The following SGSM1 variants were observed in gnomAD, a reference collection of about 807,000 sequenced individuals.
SGSM1 encodes the protein small G protein signaling modulator 1.
SGSM1 carries 73 observed loss-of-function variants against 133.8 expected under a neutral mutation model. That is an observed-to-expected ratio of 0.55 (90% CI 0.45 to 0.66). The LOEUF is 0.66. Ranked by LOEUF, SGSM1 falls within the 30% of genes least tolerant of loss-of-function variation. The pLI is 0.00. For missense variants in SGSM1, 1,213 were observed against 1,448.1 expected, an observed-to-expected ratio of 0.84 and a Z score of 2.64; for synonymous variants, 563 against 573.0, an observed-to-expected ratio of 0.98 and a Z score of 0.25.
intron 12 of SGSM1, among the ~76,000 whole-genome samples, chr22:24,874,853 G>T (rs922567458): frequency 2.0e-5 from 3 of 152,196 alleles, no homozygotes; most frequent in Admixed American, 6.5e-5. Flanking sequence ...GGGCTAAACT[G>T]GTCAGTGCAT....
chr22:24,854,520 T>A (rs1038710211), intron 5 of SGSM1, among the ~76,000 whole-genome samples: 1 of 152,236 alleles, frequency 6.6e-6, no homozygotes, highest in Non-Finnish European at 1.5e-5. Context: ...TCAAAAGTCC[T>A]TCCAGCAGGC....
At position 24,850,438 on chromosome 22, in the gene SGSM1, A is replaced by C; in HGVS notation, c.455+6A>C. 6.2e-7 allele frequency: 1 copy of C among 1,613,788 alleles called. No individual in the cohort carries two copies. The highest frequency in any genetic ancestry group is 8.5e-7 in the Non-Finnish European group (1 of 1,179,764). On this transcript the variant is annotated splice_donor_region_variant and intron_variant, in intron 5 of 24. Coordinates refer to ENST00000400358, the MANE Select transcript of SGSM1 (RefSeq NM_001098497.3). ...TACCTTGTGGAAAACAGCAGGTGAG[A>C]GGGAAAGACCTGACACCTGGCCATG...
At chr22:24,903,114 T>A (rs888373244) in intron 20 of SGSM1, among the ~76,000 whole-genome samples, 5 of 152,292 alleles carry the variant, frequency 3.3e-5, no homozygotes, top group African/African-American at 1.2e-4. Flanking sequence ...TCCCTTCATC[T>A]CTGCCCGGCA....
At chr22:24,916,518 C>T (rs993211935) in intron 22 of SGSM1, among the ~76,000 whole-genome samples, 1 of 152,056 alleles carries the variant, frequency 6.6e-6, no homozygotes, top group Non-Finnish European at 1.5e-5. Flanking sequence ...CATGGTGAAA[C>T]CCCGTCCGTC....
chr22:24,869,050 A>G (rs1437104859), intron 12 of SGSM1, among the ~76,000 whole-genome samples, 195 bp downstream of exon 12: 1 of 152,160 alleles, frequency 6.6e-6, no homozygotes, highest in East Asian at 1.9e-4. Flanking sequence ...CTTGTCTAAT[A>G]AAGTTGCCAC....
At position 24,806,264 on chromosome 22, in the gene SGSM1, A is replaced by AGGAGCTACCGCCGCCACC. The variant is rs1927369962; in HGVS notation, c.-60_-43dup. On this transcript the variant is annotated 5_prime_UTR_variant, in exon 1 of 25. Coordinates refer to ENST00000400358, the MANE Select transcript of SGSM1 (RefSeq NM_001098497.3). ...GCTGCAGCAGCAGCGCCGCGGCCGG[A>AGGAGCTACCGCCGCCACC]GGAGCTACCGCCGCCACCGCCGCCA... is the stretch of plus-strand genomic sequence containing the variant. 3 of 1,367,098 alleles carry AGGAGCTACCGCCGCCACC rather than the reference A, an allele frequency of 2.2e-6. No homozygotes were observed. The highest frequency in any genetic ancestry group is 2.8e-6 in the Non-Finnish European group (3 of 1,062,012). The allele number at this position is 1,367,098 out of a possible 1,614,324, so 84.7% of individuals were successfully genotyped here. A position where few individuals can be genotyped will look rare whatever the true frequency, so the allele number is the denominator to read the frequency against.
chr22:24,907,911 C>CAAAA (rs796505229), intron 21 of SGSM1, among the ~76,000 whole-genome samples: 25 of 56,998 alleles, frequency 4.4e-4, no homozygotes, highest in Non-Finnish European at 5.1e-4. Flanking sequence ...GACGCCATCT[C>CAAAA]AAAAAAAAAA....
intron 22 of SGSM1, among the ~76,000 whole-genome samples, 170 bp downstream of exon 22, chr22:24,912,922 T>C (rs1341443087): frequency 6.6e-6 from 1 of 152,144 alleles, no homozygotes. Flanking sequence ...AGTTTTCTTA[T>C]CTGGGAAATA....
chr22:24,900,714 G>A lies in SGSM1; in HGVS notation c.2611-1119G>A, dbSNP rs185752007. On this transcript the variant is annotated intron_variant, in intron 19 of 24. Transcript: ENST00000400358. ...GCCCCGCCTTATTTCTTTAAATACA[G>A]TAAACATACTTATTTTATGATCTGT... is the stretch of plus-strand genomic sequence containing the variant. Among the ~76,000 whole-genome samples the A allele has an allele frequency of 4.0e-3, 603 of 152,264 alleles. 1 individual carries two copies. Among genetic ancestry groups the A allele is most frequent in the African/African-American group, 0.014 (569 of 41,548 alleles).
At chr22:24,893,059 A>AAAGG (rs1244975386) in intron 16 of SGSM1, among the ~76,000 whole-genome samples, 21 of 149,928 alleles carry the variant, frequency 1.4e-4, no homozygotes, top group Non-Finnish European at 1.9e-4. Flanking sequence ...GTCAAGAAAG[A>AAAGG]AAGGAAGGAA....
At chr22:24,914,353 C>T (rs1307469405) in intron 22 of SGSM1, among the ~76,000 whole-genome samples, 1 of 151,086 alleles carries the variant, frequency 6.6e-6, no homozygotes, top group Admixed American at 6.6e-5. Context: ...GCCTATAATC[C>T]CAGCTACAGC....
rs764130082 is a variant in SGSM1, at chr22:24,859,719, G to A, written c.805G>A (p.Asp269Asn). ...GKNNVLVQPR[D>N]DMEAVPGYLS... ...CTGAGTCCTCCTCTCTCTGCAGAGG[G>A]ACGACATGGAGGCTGTGCCAGGGTA... The change falls in exon 9 of 25, where the codon GAC becomes AAC. Residue 269 changes from aspartate to asparagine, a missense_variant. Coordinates refer to ENST00000400358, the MANE Select transcript of SGSM1 (RefSeq NM_001098497.3). 4 of 1,613,712 alleles carry A rather than the reference G, an allele frequency of 2.5e-6. No homozygotes were observed. The highest frequency in any genetic ancestry group is 2.5e-6 in the Non-Finnish European group (3 of 1,179,888).
At chr22:24,891,517 T>C (rs956454879) in intron 16 of SGSM1, among the ~76,000 whole-genome samples, 13 of 152,158 alleles carry the variant, frequency 8.5e-5, no homozygotes, top group Non-Finnish European at 1.8e-4. Context: ...GGACCCATGC[T>C]AGTGAAATGT....
chr22:24,882,376 T>G (rs1436341190), intron 14 of SGSM1, among the ~76,000 whole-genome samples: 1 of 152,162 alleles, frequency 6.6e-6, no homozygotes, highest in Non-Finnish European at 1.5e-5. Context: ...CGCCCTGTTT[T>G]TTATTTATTT....
At chr22:24,911,928 G>A (rs1221051918) in intron 21 of SGSM1, among the ~76,000 whole-genome samples, 3 of 151,946 alleles carry the variant, frequency 2.0e-5, no homozygotes, top group Non-Finnish European at 4.4e-5. Flanking sequence ...GGTGGCGGGC[G>A]CCTGTAGTCC....
chr22:24,892,094 G>A (rs1050988138), intron 16 of SGSM1, among the ~76,000 whole-genome samples: 4 of 152,132 alleles, frequency 2.6e-5, no homozygotes, highest in Non-Finnish European at 4.4e-5. Context: ...ACAGAGACCT[G>A]GATGGAGGCT....
rs1393746640 is a variant in SGSM1, at chr22:24,826,945, T to C, written c.64-17952T>C. 3.3e-5 allele frequency among the ~76,000 whole-genome samples: 5 copies of C among 152,226 alleles called. No individual in the cohort carries two copies. In the South Asian group the frequency reaches 6.2e-4, roughly 19 times the overall value. ...CTGAGGCCCAAGGTCACCCAGCAAA[T>C]GGCAGAGCTGGAGACTGACCTGTTT... is the stretch of plus-strand genomic sequence containing the variant. On this transcript the variant is annotated intron_variant, in intron 2 of 24. Coordinates refer to ENST00000400358, the MANE Select transcript of SGSM1 (RefSeq NM_001098497.3).
intron 9 of SGSM1, among the ~76,000 whole-genome samples, chr22:24,866,279 A>G (rs1931452449): frequency 6.6e-6 from 1 of 152,192 alleles, no homozygotes; most frequent in African/African-American, 2.4e-5. Flanking sequence ...TCTCACAGCA[A>G]CACAATGGGG....
intron 12 of SGSM1, chr22:24,874,685 G>A: frequency 7.2e-7 from 1 of 1,383,844 alleles, no homozygotes; most frequent in Non-Finnish European, 9.6e-7. Context: ...GAAGGGAGAT[G>A]GAGGCAGAGG....
Sources: gnomAD v4.1 joint callset for allele counts (sites outside exome capture counted in the v4.1 genomes callset) on GRCh38, gnomAD v4.1.1 for gene constraint, MANE v1.5 for transcripts, NCBI Gene and HGNC (gene_info 2026-07-23, HGNC 2026-07-21) for gene names.